TRIT1: variants seen among roughly 807,000 people sequenced by gnomAD.
TRIT1 encodes the protein tRNA dimethylallyltransferase.
Under a neutral mutation model 51.2 loss-of-function variants are expected in TRIT1, and 43 were observed. The ratio of observed to expected loss-of-function variants is 0.84; its 90% CI spans 0.66 to 1.08. The LOEUF (loss-of-function observed/expected upper bound fraction) is 1.08, where lower values mean the gene tolerates loss of function less well. Ranked by LOEUF, TRIT1 falls within the 50% of genes least tolerant of loss-of-function variation. The pLI is 0.00. For missense variants in TRIT1, 528 were observed against 578.4 expected, an observed-to-expected ratio of 0.91 and a Z score of 0.89; for synonymous variants, 184 against 203.9, an observed-to-expected ratio of 0.90 and a Z score of 0.83.
chr1:39,839,818 G>A lies in TRIT1; in HGVS notation c.*1926C>T, dbSNP rs916711124. 6.6e-6 allele frequency among the ~76,000 whole-genome samples: 1 copy of A among 152,166 alleles called. No homozygotes were observed. The highest frequency in any genetic ancestry group is 6.5e-5 in the Admixed American group (1 of 15,274). On this transcript the variant is annotated 3_prime_UTR_variant, in exon 11 of 11. Coordinates refer to ENST00000316891, the MANE Select transcript of TRIT1 (RefSeq NM_017646.6). ...AGTTACTGCTCCAGGTATTTCAGAT[G>A]GAAGGATTAAAAGCTTTTTGACGTA... is the stretch of plus-strand genomic sequence containing the variant.
intron 1 of TRIT1, chr1:39,881,590 G>A (rs558112920): frequency 2.6e-5 from 4 of 151,316 alleles, no homozygotes; most frequent in Middle Eastern, 6.8e-3. Context: ...GTACAGTAGT[G>A]AGAAAGGGCC....
Position 39,838,567 on chromosome 1 carries a change from G to C in TRIT1, c.*3177C>G, listed in dbSNP as rs1006649850. Among the ~76,000 whole-genome samples the C allele has an allele frequency of 2.0e-5, 3 of 152,126 alleles. No homozygotes were observed. Among genetic ancestry groups the C allele is most frequent in the Non-Finnish European group, 4.4e-5 (3 of 68,026 alleles). On this transcript the variant is annotated 3_prime_UTR_variant, in exon 11 of 11. Coordinates refer to ENST00000316891, the MANE Select transcript of TRIT1 (RefSeq NM_017646.6). ...TTTCACTGAAGCCTCAATCTCCCAG[G>C]CCCAAGCCATCCTCCTACCTGAGCC... is the stretch of plus-strand genomic sequence containing the variant.
chr1:39,852,908 T>C, intron 3 of TRIT1, 32 bp from the exon 4 acceptor site: 1 of 1,611,524 alleles, frequency 6.2e-7, no homozygotes. Context: ...GTATATTTAA[T>C]TCAACCAACA....
rs549375001 is a variant in TRIT1, at chr1:39,868,795, C to T, written c.175-11378G>A. Among the ~76,000 whole-genome samples, 11 of 152,036 alleles carry T rather than the reference C, an allele frequency of 7.2e-5. No individual in the cohort carries two copies. In the East Asian group the frequency reaches 1.9e-3, roughly 27 times the overall value. On this transcript the variant is annotated intron_variant, in intron 1 of 10. Coordinates refer to ENST00000316891, the MANE Select transcript of TRIT1 (RefSeq NM_017646.6). Reference sequence around the variant, plus strand: ...TCAACACTGGCTGGGCGTGGTGGCTCACGCCTGTAATCCCAGCACTTTGGG... The same window carrying T: ...TCAACACTGGCTGGGCGTGGTGGCTTACGCCTGTAATCCCAGCACTTTGGG...
At chr1:39,875,913 G>A (rs1214200908) in intron 1 of TRIT1, 1 of 152,100 alleles carries the variant, frequency 6.6e-6, no homozygotes, top group African/African-American at 2.4e-5. Flanking sequence ...AAGGATATTA[G>A]ATAATATTTG....
At position 39,877,146 on chromosome 1, in the gene TRIT1, G is replaced by A. The variant is rs946119620; in HGVS notation, c.174+6172C>T. Among the ~76,000 whole-genome samples the A allele has an allele frequency of 9.2e-4, 137 of 149,476 alleles. 1 individual carries two copies. Among genetic ancestry groups the A allele is most frequent in the African/African-American group, 3.2e-3 (131 of 40,550 alleles). On this transcript the variant is annotated intron_variant, in intron 1 of 10. Coordinates refer to ENST00000316891, the MANE Select transcript of TRIT1 (RefSeq NM_017646.6). ...CCCCCAAGCATCCCATATCTCCCTT[G>A]ATCAGACAGTCTTTTGGTACAAACA...
rs563696891 is a variant in TRIT1, at chr1:39,862,446, T to C, written c.175-5029A>G. Among the ~76,000 whole-genome samples the C allele has an allele frequency of 2.0e-5, 3 of 152,368 alleles. 1 individual carries two copies. Among genetic ancestry groups the C allele is most frequent in the Admixed American group, 2.0e-4 (3 of 15,304 alleles). On this transcript the variant is annotated intron_variant, in intron 1 of 10. Coordinates refer to ENST00000316891, the MANE Select transcript of TRIT1 (RefSeq NM_017646.6). The stretch of plus-strand genomic sequence containing the variant: ...TCTATTTCTTGTGATATTCCGTTTC[T>C]TGAATTGAAATTCAGTTGAGTTGTG...
intron 8 of TRIT1, among the ~76,000 whole-genome samples, chr1:39,846,459 T>C (rs976944414): frequency 7.9e-5 from 12 of 152,238 alleles, no homozygotes; most frequent in African/African-American, 2.7e-4. Flanking sequence ...TTTTTACCCA[T>C]GGTCCAATAC....
intron 1 of TRIT1, among the ~76,000 whole-genome samples, chr1:39,860,551 A>C (rs1570054548): frequency 6.6e-6 from 1 of 152,222 alleles, no homozygotes; most frequent in East Asian, 1.9e-4. Flanking sequence ...TCTGGTCCCA[A>C]GCATTTTGCA....
intron 6 of TRIT1, 94 bp from the exon 7 acceptor site, chr1:39,847,754 G>A (rs1642317414): frequency 2.5e-6 from 4 of 1,591,584 alleles, no homozygotes; most frequent in Middle Eastern, 1.9e-4. Context: ...TCATCTGTCA[G>A]ATAAGGAAAT....
chr1:39,871,178 G>A lies in TRIT1; in HGVS notation c.174+12140C>T, dbSNP rs551830593. Among the ~76,000 whole-genome samples the A allele has an allele frequency of 2.0e-5, 3 of 148,482 alleles. No homozygotes were observed. In the East Asian group the frequency reaches 6.2e-4, roughly 31 times the overall value. On this transcript the variant is annotated intron_variant, in intron 1 of 10. Transcript: ENST00000316891. ...ACTGCACCCCAGCCTGGGCAACAAG[G>A]GAGAAACTCCGTCTCATAAAAAAAA...
Position 39,844,215 on chromosome 1 carries a change from G to A in TRIT1, c.1120C>T (p.His374Tyr), listed in dbSNP as rs1424480689. Residue 374 changes from histidine to tyrosine, a missense_variant, in exon 10 of 11, where the codon CAC becomes TAC. Around this residue, in one of 3 missense-constraint regions of TRIT1, gnomAD observed 468 missense variants for 522.6 expected, o/e 0.90. Transcript: ENST00000316891. The stretch of plus-strand genomic sequence containing the variant: ...TTTATTGGAGTGGCTGTAGGCTTGT[G>A]GCCCTAAAAGAACAAGGGTGGAAGG... ...LEIVQSFIQGHKPTATPIKMP... is the reference protein window; with the variant it reads ...LEIVQSFIQGYKPTATPIKMP... 1.9e-6 allele frequency: 3 copies of A among 1,612,098 alleles called. No homozygotes were observed. The highest frequency in any genetic ancestry group is 2.5e-6 in the Non-Finnish European group (3 of 1,178,172).
intron 1 of TRIT1, among the ~76,000 whole-genome samples, chr1:39,857,956 G>T (rs185696869): frequency 4.6e-5 from 7 of 152,176 alleles, no homozygotes; most frequent in Non-Finnish European, 1.0e-4. Flanking sequence ...TAATACTGCT[G>T]TACTCTAGTG....
At chr1:39,881,791 TCTC>T (rs1223387514) in intron 1 of TRIT1, 1 of 152,186 alleles carries the variant, frequency 6.6e-6, no homozygotes, top group Non-Finnish European at 1.5e-5. Flanking sequence ...TTCGATAATT[TCTC>T]CTGTCTCAGA....
At chr1:39,869,734 G>A (rs1043172816) in intron 1 of TRIT1, among the ~76,000 whole-genome samples, 2 of 151,366 alleles carry the variant, frequency 1.3e-5, no homozygotes, top group African/African-American at 4.9e-5. Context: ...TCTGGGAACT[G>A]AGGAGTGTCT....
Position 39,847,541 on chromosome 1 carries a change from T to G in TRIT1, c.928+7A>C. The G allele has an allele frequency of 6.2e-7, 1 of 1,613,834 alleles. No individual in the cohort carries two copies. The highest frequency in any genetic ancestry group is 1.1e-5 in the South Asian group (1 of 91,084). ...TCCAAGACTAGATTAGATGGAAGAA[T>G]TCACACCTTTCTTTAGAAGCTGGTT... On this transcript the variant is annotated splice_region_variant and intron_variant, in intron 7 of 10. Coordinates refer to ENST00000316891, the MANE Select transcript of TRIT1 (RefSeq NM_017646.6).
At chr1:39,848,895 C>T (rs1044478072) in intron 5 of TRIT1, among the ~76,000 whole-genome samples, 1 of 151,320 alleles carries the variant, frequency 6.6e-6, no homozygotes, top group Non-Finnish European at 1.5e-5. Context: ...AGTGAGAGGT[C>T]GTAATTGTTC....
intron 5 of TRIT1, 131 bp from the exon 6 acceptor site, chr1:39,848,228 GATT>G (rs1348070835): frequency 1.5e-6 from 1 of 656,436 alleles, no homozygotes; most frequent in Non-Finnish European, 2.7e-6. Context: ...AGATTCCAAA[GATT>G]ATTATAATAA....
intron 10 of TRIT1, among the ~76,000 whole-genome samples, chr1:39,843,398 A>G (rs1642031993): frequency 6.6e-6 from 1 of 152,204 alleles, no homozygotes; most frequent in South Asian, 2.1e-4. Context: ...TGACTGGATG[A>G]CTACAGAAAT....
Sources: allele counts gnomAD v4.1 joint callset (sites outside exome capture counted in the v4.1 genomes callset), GRCh38; gene constraint gnomAD v4.1.1; regional missense constraint gnomAD v4.1.1; transcripts MANE v1.5; gene names NCBI Gene and HGNC (gene_info 2026-07-23, HGNC 2026-07-21).